The following NBAS variants were observed in gnomAD, a reference collection of about 807,000 sequenced individuals.
The protein encoded by NBAS is NBAS subunit of NRZ tethering complex.
NBAS carries 219 observed loss-of-function variants against 302.5 expected under a neutral mutation model. The ratio of observed to expected loss-of-function variants is 0.72; its 90% CI spans 0.65 to 0.81. The LOEUF (loss-of-function observed/expected upper bound fraction) is 0.81. NBAS is among the 30% of genes least tolerant of loss of function. The pLI is 0.00. For missense variants in NBAS, 2,932 were observed against 2,841.6 expected, an observed-to-expected ratio of 1.03 and a Z score of -0.72; for synonymous variants, 1,118 against 1,021.6, an observed-to-expected ratio of 1.09 and a Z score of -1.80.
intron 35 of NBAS, among the ~76,000 whole-genome samples, chr2:15,338,664 A>ACACACACAC (rs1672703320): frequency 2.8e-5 from 2 of 70,432 alleles, no homozygotes; most frequent in South Asian, 4.3e-4. Context: ...CATGAATACA[A>ACACACACAC]ACACACACAT....
At chr2:15,497,002 T>C (rs561857250) in intron 11 of NBAS, among the ~76,000 whole-genome samples, 2 of 151,576 alleles carry the variant, frequency 1.3e-5, no homozygotes, top group African/African-American at 2.4e-5. Flanking sequence ...TGAGAAAAAA[T>C]TAATTAATGA....
At chr2:15,348,624 T>G (rs1673206822) in intron 35 of NBAS, among the ~76,000 whole-genome samples, 1 of 150,896 alleles carries the variant, frequency 6.6e-6, no homozygotes, top group African/African-American at 2.4e-5. Context: ...AATGATACAC[T>G]CCTCACACTG....
chr2:15,396,508 T>C (rs1224575109), intron 26 of NBAS, 33 bp from the exon 27 acceptor site: 1 of 1,439,752 alleles, frequency 6.9e-7, no homozygotes, highest in Non-Finnish European at 9.5e-7. Flanking sequence ...AAAAAAGCCC[T>C]TAAGTTTAGT....
the NBAS span, among the ~76,000 whole-genome samples, chr2:14,989,830 A>ATT: frequency 6.6e-6 from 1 of 152,220 alleles, no homozygotes; most frequent in Non-Finnish European, 1.5e-5. Flanking sequence ...TACTTAGAAC[A>ATT]GTATTACATG....
chr2:14,938,525 G>A, the NBAS span, among the ~76,000 whole-genome samples: 2 of 152,174 alleles, frequency 1.3e-5, no homozygotes, highest in Non-Finnish European at 2.9e-5. Context: ...AGTATACAGA[G>A]AAAGAATGGC....
chr2:14,983,528 G>C, the NBAS span, among the ~76,000 whole-genome samples: 3 of 152,198 alleles, frequency 2.0e-5, no homozygotes, highest in Non-Finnish European at 4.4e-5. Flanking sequence ...ACAACTCCAG[G>C]CATGTAATAA....
the NBAS span, among the ~76,000 whole-genome samples, chr2:14,844,268 T>C: frequency 1.3e-5 from 2 of 152,084 alleles, no homozygotes; most frequent in African/African-American, 4.8e-5. Context: ...TTCCAGGCCG[T>C]AGCTCCCAGA....
chr2:15,018,398 A>C, the NBAS span, among the ~76,000 whole-genome samples: 1 of 152,018 alleles, frequency 6.6e-6, no homozygotes, highest in East Asian at 1.9e-4. Flanking sequence ...TCTTTACCCC[A>C]AAAATACATA....
chr2:15,053,324 A>G, the NBAS span, among the ~76,000 whole-genome samples: 1 of 152,186 alleles, frequency 6.6e-6, no homozygotes, highest in Non-Finnish European at 1.5e-5. Flanking sequence ...GTCAAAGAGA[A>G]TAATATCGCA....
At chr2:15,447,720 A>G (rs1678818336) in intron 21 of NBAS, among the ~76,000 whole-genome samples, 2 of 152,172 alleles carry the variant, frequency 1.3e-5, no homozygotes, top group African/African-American at 4.8e-5. Context: ...CAGGTACCTC[A>G]CACCAGGAAA....
intron 38 of NBAS, among the ~76,000 whole-genome samples, chr2:15,324,248 T>C (rs1395543255): frequency 3.3e-5 from 5 of 152,218 alleles, no homozygotes; most frequent in African/African-American, 7.2e-5. Context: ...CAGCTTTTGA[T>C]AGAGGGTTCC....
chr2:15,222,994 T>C (rs1667013106), intron 47 of NBAS, among the ~76,000 whole-genome samples: 1 of 152,246 alleles, frequency 6.6e-6, no homozygotes, highest in East Asian at 1.9e-4. Context: ...AATAAAATTA[T>C]GAGAAGTCCT....
chr2:15,379,465 A>T (rs1674920555), intron 30 of NBAS, 137 bp downstream of exon 30: 1 of 869,862 alleles, frequency 1.1e-6, no homozygotes, highest in East Asian at 2.7e-5. Context: ...ATATTCAAGC[A>T]AAAAATAACT....
intron 47 of NBAS, among the ~76,000 whole-genome samples, chr2:15,231,079 C>T (rs935403071): frequency 3.3e-5 from 5 of 152,346 alleles, no homozygotes; most frequent in South Asian, 4.1e-4. Context: ...TCGTCTCCCG[C>T]GCAAGACTGT....
chr2:15,072,391 G>A, the NBAS span, among the ~76,000 whole-genome samples: 154 of 152,202 alleles, frequency 1.0e-3, 2 homozygotes, highest in Non-Finnish European at 5.0e-4. Flanking sequence ...TGAACATTTT[G>A]ACATATTAAG....
the NBAS span, among the ~76,000 whole-genome samples, chr2:14,993,563 G>T: frequency 6.6e-6 from 1 of 152,050 alleles, no homozygotes; most frequent in African/African-American, 2.4e-5. Flanking sequence ...ACTCTAATTG[G>T]TCCAAATAAT....
the NBAS span, among the ~76,000 whole-genome samples, chr2:15,012,225 G>T: frequency 3.1e-3 from 465 of 152,118 alleles, 2 homozygotes; most frequent in Non-Finnish European, 5.2e-3. Flanking sequence ...AAACGGACAC[G>T]TTTTTAAATC....
chr2:15,416,584 G>A (rs1480709294), intron 24 of NBAS, among the ~76,000 whole-genome samples: 18 of 152,076 alleles, frequency 1.2e-4, no homozygotes, highest in African/African-American at 2.9e-4. Context: ...CAGGTAGATC[G>A]CCTGAGGTCA....
intron 1 of NBAS, 32 bp downstream of exon 1, chr2:15,561,156 G>C: frequency 6.3e-7 from 1 of 1,579,602 alleles, no homozygotes; most frequent in Non-Finnish European, 8.6e-7. Context: ...CCCGCGCCAA[G>C]CTGGCTGCTG....
Sources: allele counts gnomAD v4.1 joint callset (sites outside exome capture counted in the v4.1 genomes callset), GRCh38; gene constraint gnomAD v4.1.1; transcripts MANE v1.5; gene names NCBI Gene and HGNC (gene_info 2026-07-23, HGNC 2026-07-21).